Variants in ABCG2 observed in about 807,000 individuals in gnomAD.
The protein encoded by ABCG2 is broad substrate specificity ATP-binding cassette transporter ABCG2.
ABCG2 carries 80 observed loss-of-function variants against 73.5 expected under a neutral mutation model. The observed-to-expected ratio is 1.09, with a 90% CI of 0.91 to 1.31. The LOEUF is 1.31. Among genes scored for constraint, ABCG2 ranks in the 50% most tolerant of loss-of-function variants. ABCG2 has a pLI of 0.00. For synonymous variants in ABCG2, 269 were observed against 282.4 expected (o/e 0.95, Z 0.48); for missense variants, 796 against 786.2 (o/e 1.01, Z -0.15).
At chr4:88,178,190 G>C (rs921633955) in intron 1 of ABCG2, among the ~76,000 whole-genome samples, 1 of 152,146 alleles carries the variant, frequency 6.6e-6, no homozygotes, top group Non-Finnish European at 1.5e-5. Context: ...GCAGGGGCAA[G>C]GGAAGAGTAA....
rs569159475 is a variant in ABCG2 at position 88,098,024 on chromosome 4, T to C, written c.1493-417A>G. Among the ~76,000 whole-genome samples the C allele has an allele frequency of 1.2e-4, 18 of 152,132 alleles. No individual in the cohort carries two copies. In the South Asian group the frequency reaches 3.7e-3, roughly 32 times the overall value. Reference sequence around the variant, plus strand: ...GGATGCCATGACCTCACAGTGGTTGTAGTATCTGGGGGAGGGGGAGGGGGC... The same window carrying C: ...GGATGCCATGACCTCACAGTGGTTGCAGTATCTGGGGGAGGGGGAGGGGGC... On this transcript the variant is annotated intron_variant, in intron 12 of 15. Transcript: ENST00000237612.
chr4:88,207,041 C>T (rs544516616), intron 1 of ABCG2, among the ~76,000 whole-genome samples: 2 of 152,276 alleles, frequency 1.3e-5, no homozygotes, highest in Admixed American at 6.5e-5. Context: ...GTGATCCACC[C>T]GCCTTGGCCT....
chr4:88,098,610 G>GTATA lies in ABCG2; in HGVS notation c.1492+710_1492+713dup, dbSNP rs141581489. On this transcript the variant is annotated intron_variant, in intron 12 of 15. Transcript: ENST00000237612. ...TCTATATATCTCTAAGTGTGTGTGT[G>GTATA]TATATATATATACATATATAGAGAG... Among the ~76,000 whole-genome samples the GTATA allele has an allele frequency of 3.8e-3, 571 of 148,722 alleles. 10 individuals are homozygous for GTATA. Among genetic ancestry groups the GTATA allele is most frequent in the East Asian group, 0.037 (189 of 5,096 alleles).
At chr4:88,211,639 G>C (rs1481067490) in intron 1 of ABCG2, among the ~76,000 whole-genome samples, 1 of 152,038 alleles carries the variant, frequency 6.6e-6, no homozygotes. Context: ...GGATGGGCTC[G>C]ATCTCCTGAC....
At position 88,090,646 on chromosome 4, in the gene ABCG2, G is replaced by T. The variant is rs988459393; in HGVS notation, c.*1588C>A. ...GAATTCCAAGATGACCAGTGTCAGG[G>T]CGTCTATACACCATGATGCCCCAGC... On this transcript the variant is annotated 3_prime_UTR_variant, in exon 16 of 16. Coordinates refer to ENST00000237612, the MANE Select transcript of ABCG2 (RefSeq NM_004827.3). 6 of 152,232 alleles carry T rather than the reference G, an allele frequency of 3.9e-5. No homozygotes were observed. The highest frequency in any genetic ancestry group is 1.4e-4 in the African/African-American group (6 of 41,466). The allele number at this position is 152,232 out of a possible 1,614,324, so 9.4% of individuals were successfully genotyped here.
intron 1 of ABCG2, among the ~76,000 whole-genome samples, chr4:88,168,147 T>C (rs1727616380): frequency 1.3e-5 from 2 of 152,062 alleles, no homozygotes; most frequent in African/African-American, 2.4e-5. Flanking sequence ...GTAATTTGCT[T>C]TATACAGCAG....
chr4:88,168,332 C>CA (rs1202979485), intron 1 of ABCG2, among the ~76,000 whole-genome samples: 2 of 151,864 alleles, frequency 1.3e-5, no homozygotes, highest in South Asian at 2.1e-4. Context: ...ACTAAAAATA[C>CA]AAAAATTAGC....
intron 1 of ABCG2, among the ~76,000 whole-genome samples, chr4:88,188,594 A>G (rs1483376986): frequency 6.6e-6 from 1 of 151,350 alleles, no homozygotes; most frequent in African/African-American, 2.4e-5. Flanking sequence ...GGCTATTCAG[A>G]GTCCCTTACA....
rs201981466 is a variant in ABCG2, at chr4:88,214,354, C to G, written c.-20+16640G>C. ...AACTACTGCTCTATCGTTTTGTTCT[C>G]TTTTACAACAAAACTCTTCAAAAGA... On this transcript the variant is annotated intron_variant, in intron 1 of 15. Transcript: ENST00000515655. Among the ~76,000 whole-genome samples the G allele has an allele frequency of 9.2e-5, 14 of 152,196 alleles. No individual in the cohort carries two copies. The East Asian group carries it at 2.7e-3, about 29-fold the overall frequency.
chr4:88,170,856 C>A (rs149945217), intron 1 of ABCG2, among the ~76,000 whole-genome samples: 3 of 152,200 alleles, frequency 2.0e-5, no homozygotes, highest in African/African-American at 7.2e-5. Context: ...CCATAATTAG[C>A]AGATGGGATA....
Position 88,229,026 on chromosome 4 carries a change from C to T in ABCG2, c.-20+1968G>A, listed in dbSNP as rs62308057. On this transcript the variant is annotated intron_variant, in intron 1 of 15. Transcript: ENST00000515655. ...GCAGGGCCAAATAAGGGAATAAAAG[C>T]TGGCCACCCAAGCAAGCAGTGGCAA... is the stretch of plus-strand genomic sequence containing the variant. Among the ~76,000 whole-genome samples, 3 of 152,198 alleles carry T rather than the reference C, an allele frequency of 2.0e-5. No homozygotes were observed. In the South Asian group the frequency reaches 6.2e-4, roughly 31 times the overall value.
At chr4:88,151,419 A>T (rs1331958234) in intron 1 of ABCG2, among the ~76,000 whole-genome samples, 1 of 152,182 alleles carries the variant, frequency 6.6e-6, no homozygotes, top group Non-Finnish European at 1.5e-5. Context: ...CCAGTTTATA[A>T]TTCAATCATC....
intron 5 of ABCG2, among the ~76,000 whole-genome samples, chr4:88,123,763 C>G (rs1197347959): frequency 6.6e-6 from 1 of 152,100 alleles, no homozygotes; most frequent in African/African-American, 2.4e-5. Flanking sequence ...TCCAGAAGAA[C>G]TTCCCCAACC....
intron 1 of ABCG2, among the ~76,000 whole-genome samples, chr4:88,192,709 A>G (rs142929199): frequency 0.024 from 3,232 of 134,358 alleles, 48 homozygotes; most frequent in Non-Finnish European, 0.033. Flanking sequence ...ATGAGCCACT[A>G]TGCCTGGCCT....
chr4:88,154,279 GA>G (rs1726765379), intron 1 of ABCG2, among the ~76,000 whole-genome samples: 2 of 152,188 alleles, frequency 1.3e-5, no homozygotes, highest in East Asian at 1.9e-4. Flanking sequence ...GCTTCCTTTG[GA>G]AGTAAAGCGG....
At chr4:88,130,212 G>A (rs764988282) in intron 5 of ABCG2, among the ~76,000 whole-genome samples, 4 of 152,088 alleles carry the variant, frequency 2.6e-5, no homozygotes, top group Admixed American at 1.3e-4. Flanking sequence ...ATTTACAGCC[G>A]CTCCCCAATG....
At chr4:88,174,912 G>A (rs942375626) in intron 1 of ABCG2, among the ~76,000 whole-genome samples, 4 of 152,176 alleles carry the variant, frequency 2.6e-5, no homozygotes, top group Non-Finnish European at 5.9e-5. Flanking sequence ...TGTATAAGGT[G>A]TAAGGAAGGA....
chr4:88,118,070 T>C (rs1340885395), intron 7 of ABCG2, 39 bp downstream of exon 7: 1 of 1,595,286 alleles, frequency 6.3e-7, no homozygotes, highest in Admixed American at 1.7e-5. Flanking sequence ...CAGGATTCTA[T>C]TAATGAAGCA....
At chr4:88,113,624 C>T in intron 8 of ABCG2, 71 bp from the exon 9 acceptor site, 3 of 1,555,154 alleles carry the variant, frequency 1.9e-6, no homozygotes, top group Non-Finnish European at 1.7e-6. Context: ...TTTCTGTGAA[C>T]CCTTTCTTGG....
Sources: gnomAD v4.1 joint callset for allele counts (sites outside exome capture counted in the v4.1 genomes callset) on GRCh38, gnomAD v4.1.1 for gene constraint, MANE v1.5 for transcripts, NCBI Gene and HGNC (gene_info 2026-07-23, HGNC 2026-07-21) for gene names.